FBXL13: variants seen among roughly 807,000 people sequenced by gnomAD.
FBXL13 encodes F-box and leucine rich repeat protein 13.
Under a neutral mutation model 83.6 loss-of-function variants are expected in FBXL13, and 67 were observed. The ratio of observed to expected loss-of-function variants is 0.80; its 90% CI spans 0.66 to 0.98. The LOEUF is 0.98. FBXL13 is among the 50% of genes least tolerant of loss of function. FBXL13 has a pLI of 0.00. For missense variants in FBXL13, 822 were observed against 866.5 expected (o/e 0.95, Z 0.64); for synonymous variants, 272 against 299.5 (o/e 0.91, Z 0.95).
intron 2 of FBXL13, among the ~76,000 whole-genome samples, chr7:103,030,629 A>G (rs1249173274): frequency 6.6e-6 from 1 of 152,078 alleles, no homozygotes; most frequent in Non-Finnish European, 1.5e-5. Context: ...ACTACAGTAA[A>G]TGATATGTCA....
In FBXL13 at chr7:102,926,139, C is replaced by T. The variant is rs1818086587; in HGVS notation, c.878+135G>A. ...AGCTTAGGGACTTGAAAGCAGCAGA[C>T]CCCTTATCAGAAAAGCAGTGCCACA... On this transcript the variant is annotated intron_variant, in intron 10 of 19. Transcript: ENST00000313221. 4.4e-6 allele frequency: 3 copies of T among 685,376 alleles called. No homozygotes were observed. In the Admixed American group the frequency reaches 8.5e-5, roughly 19 times the overall value. 42.5% of individuals were successfully genotyped at this position (685,376 alleles called of 1,614,324 possible). A position where few individuals can be genotyped will look rare whatever the true frequency, so the allele number is the denominator to read the frequency against.
intron 6 of FBXL13, among the ~76,000 whole-genome samples, chr7:103,008,820 A>G (rs1791268153): frequency 6.6e-6 from 1 of 152,246 alleles, no homozygotes; most frequent in Admixed American, 6.5e-5. Flanking sequence ...GGCCTCCCAA[A>G]GTGCTGGGAT....
intron 10 of FBXL13, among the ~76,000 whole-genome samples, chr7:102,914,010 G>A (rs540738402): frequency 5.9e-5 from 9 of 152,228 alleles, no homozygotes; most frequent in African/African-American, 1.7e-4. Context: ...ACTACCATAC[G>A]AGGGCTCGCA....
chr7:102,893,977 AGAAAGAG>A (rs200084265), intron 11 of FBXL13, among the ~76,000 whole-genome samples: 3,748 of 135,830 alleles, frequency 0.028, 141 homozygotes, highest in East Asian at 0.18. Flanking sequence ...AAAGAAAGAA[AGAAAGAG>A]GAAAGAAAGA....
At chr7:102,931,021 T>C (rs1440373610) in intron 9 of FBXL13, among the ~76,000 whole-genome samples, 1 of 152,164 alleles carries the variant, frequency 6.6e-6, no homozygotes, top group Non-Finnish European at 1.5e-5. Context: ...TGGTTAAGGA[T>C]ACTTATCATA....
chr7:102,841,041 C>T (rs1340702465), intron 17 of FBXL13, among the ~76,000 whole-genome samples: 1 of 152,066 alleles, frequency 6.6e-6, no homozygotes, highest in Non-Finnish European at 1.5e-5. Flanking sequence ...CAAATTATAA[C>T]ATGGAGAAAT....
At chr7:102,833,402 T>C (rs1384477223) in intron 17 of FBXL13, among the ~76,000 whole-genome samples, 2 of 151,770 alleles carry the variant, frequency 1.3e-5, no homozygotes, top group African/African-American at 2.4e-5. Flanking sequence ...ACCTCTTAAA[T>C]CTTAGCAAGT....
intron 7 of FBXL13, among the ~76,000 whole-genome samples, chr7:102,965,318 T>C (rs1825858784): frequency 6.6e-6 from 1 of 152,036 alleles, no homozygotes; most frequent in South Asian, 2.1e-4. Flanking sequence ...TAAGGCTTAG[T>C]TTTTTTTCAT....
chr7:102,972,070 A>C (rs897070474), intron 6 of FBXL13, among the ~76,000 whole-genome samples: 1 of 152,076 alleles, frequency 6.6e-6, no homozygotes, highest in Non-Finnish European at 1.5e-5. Context: ...ACATAGACTG[A>C]GAGTTTGCTT....
At chr7:102,914,146 C>T (rs1815337727) in intron 10 of FBXL13, among the ~76,000 whole-genome samples, 1 of 152,166 alleles carries the variant, frequency 6.6e-6, no homozygotes, top group African/African-American at 2.4e-5. Context: ...CTGCAACCTC[C>T]TCCCCACTCC....
rs1277783926 is a variant in FBXL13, at chr7:102,832,986, T to G, written c.1720-12A>C. 6.2e-7 allele frequency: 1 copy of G among 1,613,912 alleles called. No individual in the cohort carries two copies. The highest frequency in any genetic ancestry group is 1.1e-5 in the South Asian group (1 of 91,054). On this transcript the variant is annotated splice_polypyrimidine_tract_variant and intron_variant, in intron 17 of 19. Transcript: ENST00000313221. Reference sequence around the variant, plus strand: ...CTTTTGCAGAATGCCTGCAAAAAATTCCAAGGTCAAATTTTTTCTTTTCTT... The same window carrying G: ...CTTTTGCAGAATGCCTGCAAAAAATGCCAAGGTCAAATTTTTTCTTTTCTT...
chr7:103,014,874 A>G (rs1045567326), intron 6 of FBXL13, among the ~76,000 whole-genome samples: 2 of 141,344 alleles, frequency 1.4e-5, no homozygotes, highest in African/African-American at 5.2e-5. Flanking sequence ...CAGTGAGCCG[A>G]GATCACGCCA....
chr7:102,918,221 C>T (rs1441421022), intron 10 of FBXL13, among the ~76,000 whole-genome samples: 1 of 152,118 alleles, frequency 6.6e-6, no homozygotes, highest in Non-Finnish European at 1.5e-5. Context: ...GTATTTTTAT[C>T]ATAGATAACT....
intron 9 of FBXL13, among the ~76,000 whole-genome samples, chr7:102,927,901 A>G (rs1161775523): frequency 1.3e-5 from 2 of 152,256 alleles, no homozygotes; most frequent in Non-Finnish European, 2.9e-5. Flanking sequence ...TGGCATGCCA[A>G]TCAAGTATCA....
chr7:102,833,464 C>G (rs1801097325), intron 17 of FBXL13, among the ~76,000 whole-genome samples: 1 of 148,412 alleles, frequency 6.7e-6, no homozygotes, highest in Non-Finnish European at 1.5e-5. Context: ...GAGAGTCTTC[C>G]TCTGTTGCCC....
chr7:102,948,066 T>C (rs1236701573), intron 8 of FBXL13, among the ~76,000 whole-genome samples: 1 of 131,904 alleles, frequency 7.6e-6, no homozygotes, highest in Non-Finnish European at 1.6e-5. Flanking sequence ...AATGAGGATC[T>C]TTTTTTTTTT....
chr7:102,968,000 A>G, intron 7 of FBXL13, 22 bp downstream of exon 8: 2 of 1,569,376 alleles, frequency 1.3e-6, no homozygotes, highest in Non-Finnish European at 1.8e-6. Context: ...GTAAAGACAT[A>G]GTTCAGTTAG....
intron 8 of FBXL13, among the ~76,000 whole-genome samples, chr7:102,952,762 T>A (rs532796060): frequency 8.5e-4 from 130 of 152,146 alleles, no homozygotes; most frequent in Non-Finnish European, 1.5e-3. Context: ...GGCAGGTGGA[T>A]CACTTGAGGT....
chr7:103,018,334 C>T (rs200165202), intron 6 of FBXL13, among the ~76,000 whole-genome samples: 15 of 152,012 alleles, frequency 9.9e-5, no homozygotes, highest in South Asian at 2.1e-4. Context: ...GCACTAAACA[C>T]GGAAAGGAAC....
Sources: gnomAD v4.1 joint callset for allele counts (sites outside exome capture counted in the v4.1 genomes callset) on GRCh38, gnomAD v4.1.1 for gene constraint, MANE v1.5 for transcripts, NCBI Gene and HGNC (gene_info 2026-07-23, HGNC 2026-07-21) for gene names.